The following UBR4 variants were observed in gnomAD, a reference collection of about 807,000 sequenced individuals.
The protein encoded by UBR4 is ubiquitin protein ligase E3 component n-recognin 4.
Under a neutral mutation model 575.6 loss-of-function variants are expected in UBR4, and 124 were observed. The ratio of observed to expected loss-of-function variants is 0.22; its 90% CI spans 0.19 to 0.25. The LOEUF is 0.25. Among genes scored for constraint, UBR4 ranks in the 10% least tolerant of loss-of-function variants. UBR4 has a pLI of 1.00. For synonymous variants in UBR4, 2,455 were observed against 2,473.7 expected (o/e 0.99, Z 0.22); for missense variants, 4,818 against 6,478.8 (o/e 0.74, Z 8.80).
chr1:19,156,502 C>T (rs1345516159), intron 41 of UBR4, 79 bp from the exon 42 acceptor site: 3 of 1,521,322 alleles, frequency 2.0e-6, no homozygotes, highest in Non-Finnish European at 2.7e-6. Context: ...AATGACGTTC[C>T]CTTTTTTCCT....
chr1:19,105,219 T>A (rs750479753), intron 84 of UBR4, 30 bp from the exon 85 acceptor site: 4 of 1,597,880 alleles, frequency 2.5e-6, no homozygotes, highest in African/African-American at 1.4e-5. Context: ...GGCACTCTAG[T>A]CAAGAACTCT....
At chr1:19,159,770 TTGTG>T (rs1293047640) in intron 39 of UBR4, among the ~76,000 whole-genome samples, 42 of 150,610 alleles carry the variant, frequency 2.8e-4, no homozygotes, top group Non-Finnish European at 3.5e-4. Flanking sequence ...GCTAAATTTT[TTGTG>T]TGTTTTTTGG....
intron 8 of UBR4, among the ~76,000 whole-genome samples, chr1:19,196,395 C>G (rs1324253522): frequency 6.6e-6 from 1 of 152,196 alleles, no homozygotes; most frequent in Non-Finnish European, 1.5e-5. Flanking sequence ...GTCTCCAAGA[C>G]TATCTGCTCA....
intron 60 of UBR4, among the ~76,000 whole-genome samples, chr1:19,134,032 G>A (rs2082873305): frequency 1.4e-5 from 2 of 143,870 alleles, no homozygotes; most frequent in Admixed American, 1.5e-4. Flanking sequence ...ATTGCAGTGA[G>A]CTGAGATTGT....
In UBR4 at chr1:19,163,873, T is replaced by C. The variant is rs147808336; in HGVS notation, c.4701-46A>G. The C allele has an allele frequency of 3.2e-3, 5,167 of 1,601,146 alleles. 35 individuals are homozygous for C. The highest frequency in any genetic ancestry group is 0.012 in the South Asian group (1,079 of 90,798). Reference sequence around the variant, plus strand: ...AGGGGAAAGAGGAGACACAAAATCATCGAAGAAACCAACGAAATGAGGCAT... The same window carrying C: ...AGGGGAAAGAGGAGACACAAAATCACCGAAGAAACCAACGAAATGAGGCAT... On this transcript the variant is annotated intron_variant, in intron 33 of 105. Coordinates refer to ENST00000375254, the MANE Select transcript of UBR4 (RefSeq NM_020765.3).
chr1:19,096,755 T>C, intron 91 of UBR4, 105 bp from the exon 92 acceptor site: 4 of 1,463,042 alleles, frequency 2.7e-6, no homozygotes, highest in Non-Finnish European at 3.7e-6. Flanking sequence ...CTGACAGCCC[T>C]TTTCCGTATC....
intron 81 of UBR4, among the ~76,000 whole-genome samples, chr1:19,108,645 G>A (rs1056843867): frequency 1.2e-4 from 19 of 152,110 alleles, no homozygotes; most frequent in Non-Finnish European, 1.2e-4. Flanking sequence ...CCACCGCCTC[G>A]TCAACCTAAG....
At chr1:19,105,258 T>C (rs2079059698) in intron 84 of UBR4, 69 bp from the exon 85 acceptor site, 1 of 1,529,210 alleles carries the variant, frequency 6.5e-7, no homozygotes, top group Non-Finnish European at 8.8e-7. Flanking sequence ...AAGGCTCCCC[T>C]TTCTCCTCCC....
chr1:19,182,417 A>G (rs923465229), intron 17 of UBR4, among the ~76,000 whole-genome samples: 1 of 152,008 alleles, frequency 6.6e-6, no homozygotes, highest in Non-Finnish European at 1.5e-5. Context: ...TGCAGGCGCA[A>G]TCATAGCATA....
rs2087254779 is a variant in UBR4 at position 19,160,989 on chromosome 1, A to G, written c.5334T>C (p.Ala1778=). 6.2e-7 allele frequency: 1 copy of G among 1,614,034 alleles called. No homozygotes were observed. The highest frequency in any genetic ancestry group is 1.3e-5 in the African/African-American group (1 of 74,894). ...TGCTCTTCTTGGGCTTCTCTTCGTC[A>G]GCAACCTTTCCATCACTGATGGTAA... The part of the protein sequence containing the change: ...AKVTISDGKV[A]DEEKPKKSSL... The change falls in exon 38 of 106, where the codon GCT becomes GCC. Residue 1778 remains alanine, a synonymous_variant. Coordinates refer to ENST00000375254, the MANE Select transcript of UBR4 (RefSeq NM_020765.3).
At chr1:19,098,880 T>C (rs932032591) in intron 90 of UBR4, among the ~76,000 whole-genome samples, 2 of 152,088 alleles carry the variant, frequency 1.3e-5, no homozygotes, top group African/African-American at 4.8e-5. Context: ...ATCTGATTCA[T>C]GTGCTAAAGA....
At position 19,089,539 on chromosome 1, in the gene UBR4, C is replaced by A. The variant is rs1421387919; in HGVS notation, c.14212-562G>T. ...ACTTTAACAACAAAAAAGATATTAA[C>A]AAGAAACCTCTGTGCCTGAAAAAGC... On this transcript the variant is annotated intron_variant, in intron 97 of 105. Coordinates refer to ENST00000375254, the MANE Select transcript of UBR4 (RefSeq NM_020765.3). The surrounding 1 kb of genome is among the most constrained non-coding windows in gnomAD (Gnocchi z 4.3). Among the ~76,000 whole-genome samples the A allele has an allele frequency of 2.6e-5, 4 of 152,180 alleles. No individual in the cohort carries two copies. Among genetic ancestry groups the A allele is most frequent in the African/African-American group, 9.7e-5 (4 of 41,440 alleles).
chr1:19,137,027 A>C lies in UBR4; in HGVS notation c.8906+980T>G, dbSNP rs190289151. 8.1e-3 allele frequency among the ~76,000 whole-genome samples: 1,229 copies of C among 152,212 alleles called. 19 individuals carry two copies. The highest frequency in any genetic ancestry group is 0.026 in the African/African-American group (1,084 of 41,530). ...TAGTTCAAAATTCTGGGCCAGGTAC[A>C]GTGGCTCACACCTGTAATCCCAGCA... On this transcript the variant is annotated intron_variant, in intron 60 of 105. Transcript: ENST00000375254.
intron 17 of UBR4, among the ~76,000 whole-genome samples, chr1:19,181,216 C>T (rs76936467): frequency 1.1e-3 from 162 of 151,850 alleles, no homozygotes; most frequent in African/African-American, 3.7e-3. Flanking sequence ...ATCAGGAAGA[C>T]GGACGGATGG....
Position 19,160,266 on chromosome 1 carries a change from C to A in UBR4, c.5422G>T (p.Ala1808Ser). The A allele has an allele frequency of 1.3e-6, 2 of 1,597,350 alleles. No individual in the cohort carries two copies. The highest frequency in any genetic ancestry group is 1.7e-4 in the Middle Eastern group (1 of 6,002). The part of the protein sequence containing the change: ...ELQNQANFSF[A>S]PLVLDMLNFL... The stretch of plus-strand genomic sequence containing the variant: ...TTAAGCATGTCTAACACGAGAGGAG[C>A]GAAGGAGAAATTGGCCTGAGAAAAA... The change falls in exon 39 of 106, where the codon GCT (alanine) becomes TCT (serine). Residue 1808 changes from alanine (A) to serine (S), a missense_variant. Physicochemically the swap from Ala to Ser is moderately conservative, Grantham distance 99. Around this residue, in one of 29 missense-constraint regions of UBR4, gnomAD observed 159 missense variants for 174.6 expected, o/e 0.91. Transcript: ENST00000375254.
chr1:19,151,141 T>TA (rs976224086), intron 48 of UBR4: 3 of 353,038 alleles, frequency 8.5e-6, no homozygotes, highest in African/African-American at 6.2e-5. Flanking sequence ...TCATTCACAC[T>TA]AACAGCAACT....
Position 19,210,218 on chromosome 1 carries a change from CCGCCGCCTCTT to C in UBR4, c.20_30del (p.Glu7GlyfsTer50). The stretch of plus-strand genomic sequence containing the variant: ...GGGGTCCCCGGCGCCGGAGCCGCTG[CCGCCGCCTCTT>C]CGCCGCCGCTCGTCGCCATCTTCCG... On this transcript the variant is annotated frameshift_variant, in exon 1 of 106. Coordinates refer to ENST00000375254, the MANE Select transcript of UBR4 (RefSeq NM_020765.3). LOFTEE classifies it high-confidence loss of function. The C allele has an allele frequency of 6.9e-7, 1 of 1,442,076 alleles. No individual in the cohort carries two copies. The highest frequency in any genetic ancestry group is 9.1e-7 in the Non-Finnish European group (1 of 1,100,802). The allele number at this position is 1,442,076 out of a possible 1,614,324, so 89.3% of individuals were successfully genotyped here. A position where few individuals can be genotyped will look rare whatever the true frequency, so the allele number is the denominator to read the frequency against.
intron 73 of UBR4, 139 bp from the exon 74 acceptor site, chr1:19,115,776 T>C: frequency 7.4e-7 from 1 of 1,355,138 alleles, no homozygotes; most frequent in Non-Finnish European, 1.0e-6. Flanking sequence ...ATCTGGCATA[T>C]AATAGGAAGC....
intron 54 of UBR4, 71 bp from the exon 55 acceptor site, chr1:19,144,162 C>T (rs2084504096): frequency 2.1e-6 from 3 of 1,411,828 alleles, no homozygotes; most frequent in South Asian, 2.3e-5. Context: ...AAACACTTTC[C>T]TTTCTTGGTC....
Sources: gnomAD v4.1 joint callset for allele counts (sites outside exome capture counted in the v4.1 genomes callset) on GRCh38, gnomAD v4.1.1 for gene constraint, gnomAD v4.1.1 regional missense constraint, Gnocchi (gnomAD v3.1) non-coding constraint, MANE v1.5 for transcripts, NCBI Gene and HGNC (gene_info 2026-07-23, HGNC 2026-07-21) for gene names.